The following SERINC2 variants were observed in gnomAD, a reference collection of about 807,000 sequenced individuals.
SERINC2 encodes the protein tumor differentially expressed protein 2.
In SERINC2, 56 loss-of-function variants were observed where a neutral mutation model predicts 54.2. That is an observed-to-expected ratio of 1.03 (90% CI 0.83 to 1.29). SERINC2 has a LOEUF of 1.29. Among genes scored for constraint, SERINC2 ranks in the 50% most tolerant of loss-of-function variants. SERINC2 has a pLI of 0.00. For missense variants in SERINC2, 614 were observed against 607.4 expected (o/e 1.01, Z -0.12); for synonymous variants, 272 against 253.1 (o/e 1.07, Z -0.71).
chr1:31,426,056 C>T (rs1369808259), intron 5 of SERINC2, 143 bp downstream of exon 5: 4 of 869,854 alleles, frequency 4.6e-6, no homozygotes, highest in Non-Finnish European at 6.9e-6. Context: ...TTCCAATTGT[C>T]CCAGGGAGAT....
intron 8 of SERINC2, among the ~76,000 whole-genome samples, chr1:31,431,302 A>AT (rs113450135): frequency 0.8 from 115,270 of 143,628 alleles, 47,185 homozygotes; most frequent in Non-Finnish European, 0.9. Context: ...TTAAAAAAAC[A>AT]TTTTTTTTTT....
chr1:31,412,746 G>A (rs1640672567), upstream of SERINC2, among the ~76,000 whole-genome samples: 1 of 152,242 alleles, frequency 6.6e-6, no homozygotes, highest in African/African-American at 2.4e-5. Context: ...ACCACCCTGT[G>A]AGGTATGTAT....
chr1:31,423,016 G>T, intron 1 of SERINC2, among the ~76,000 whole-genome samples: 1 of 152,232 alleles, frequency 6.6e-6, no homozygotes, highest in East Asian at 1.9e-4. Context: ...CTTAACATGT[G>T]ACTGGTACTA....
At chr1:31,426,382 TGTACCTC>T (rs1641042295) in intron 5 of SERINC2, among the ~76,000 whole-genome samples, 1 of 152,212 alleles carries the variant, frequency 6.6e-6, no homozygotes, top group African/African-American at 2.4e-5. Flanking sequence ...GTCAACAGCC[TGTACCTC>T]GTTCAGTTTT....
At chr1:31,420,679 C>T (rs1228212436) in intron 1 of SERINC2, among the ~76,000 whole-genome samples, 5 of 152,224 alleles carry the variant, frequency 3.3e-5, no homozygotes, top group Admixed American at 6.5e-5. Context: ...ATCCCAGCTC[C>T]TCAGCTTACT....
rs78029434 is a variant in SERINC2 at position 31,423,761 on chromosome 1, C to G, written c.108C>G (p.Thr36=). 12 of 1,613,608 alleles carry G rather than the reference C, an allele frequency of 7.4e-6. No individual in the cohort carries two copies. The highest frequency in any genetic ancestry group is 1.0e-5 in the Non-Finnish European group (12 of 1,179,994). ...CSCCPASRNS[T]VSRLIFTFFL... is the part of the protein sequence containing the mutation. ...GCTGCCCCGCCAGCCGCAACTCCAC[C>G]GTGAGCCGCCTCATCTTCACGTTCT... The change falls in exon 2 of 10, where the codon ACC becomes ACG. Residue 36 remains threonine, a synonymous_variant. Coordinates refer to ENST00000373709, the MANE Select transcript of SERINC2 (RefSeq NM_178865.5).
At chr1:31,411,875 C>A (rs1389145311), upstream of SERINC2, among the ~76,000 whole-genome samples, 1 of 151,812 alleles carries the variant, frequency 6.6e-6, no homozygotes, top group Non-Finnish European at 1.5e-5. Flanking sequence ...GTAGTACACA[C>A]TGGTGGTCAC....
chr1:31,418,836 C>T (rs541008320), intron 1 of SERINC2, among the ~76,000 whole-genome samples: 27 of 152,278 alleles, frequency 1.8e-4, no homozygotes, highest in African/African-American at 6.0e-4. Context: ...TAATGCCAAA[C>T]GACTCATGGC....
At chr1:31,414,016 G>A in intron 1 of SERINC2, 1 of 1,523,554 alleles carries the variant, frequency 6.6e-7, no homozygotes, top group Non-Finnish European at 8.8e-7. Flanking sequence ...AGACTGGGAT[G>A]GGAGCGGAGG....
intron 8 of SERINC2, among the ~76,000 whole-genome samples, chr1:31,429,817 C>T (rs1641147916): frequency 6.6e-6 from 1 of 152,082 alleles, no homozygotes; most frequent in Admixed American, 6.5e-5. Context: ...AGGGAAGGAG[C>T]ATGGACTGGG....
At chr1:31,433,471 A>G (rs1553135190) in intron 9 of SERINC2, among the ~76,000 whole-genome samples, 1 of 152,138 alleles carries the variant, frequency 6.6e-6, no homozygotes, top group African/African-American at 2.4e-5. Flanking sequence ...ATCAGGGGTC[A>G]TGGGGTCAGA....
At chr1:31,431,819 TGGATAGGGTGGATAGGGTGGA>T (rs1641228418) in intron 8 of SERINC2, among the ~76,000 whole-genome samples, 2 of 130,908 alleles carry the variant, frequency 1.5e-5, no homozygotes, top group East Asian at 2.2e-4. Flanking sequence ...GTGGACAGGG[TGGATAGGGTGGATAGGGTGGA>T]TAGGGTGGAT....
At chr1:31,429,720 CAG>C (rs112184283) in intron 8 of SERINC2, among the ~76,000 whole-genome samples, 182 bp downstream of exon 8, 31 of 152,328 alleles carry the variant, frequency 2.0e-4, no homozygotes, top group African/African-American at 7.2e-4. Flanking sequence ...GAGTGGGCAA[CAG>C]AGGCAGGCGT....
chr1:31,417,629 A>G (rs1379325401), intron 1 of SERINC2, among the ~76,000 whole-genome samples: 5 of 152,146 alleles, frequency 3.3e-5, no homozygotes, highest in Non-Finnish European at 7.3e-5. Flanking sequence ...CATCACCACC[A>G]TCCTTCTCCA....
rs1553134531 is a variant in SERINC2, at chr1:31,431,829, G to A, written c.1014-1138G>A. On this transcript the variant is annotated intron_variant, in intron 8 of 9. Transcript: ENST00000373709. ...ACAGGGTGGACAGGGTGGATAGGGT[G>A]GATAGGGTGGATAGGGTGGATAGGG... Among the ~76,000 whole-genome samples, 24 of 143,504 alleles carry A rather than the reference G, an allele frequency of 1.7e-4. 1 individual carries two copies. Among genetic ancestry groups the A allele is most frequent in the South Asian group, 9.2e-4 (4 of 4,366 alleles). 94.1% of individuals were successfully genotyped at this position (143,504 alleles called of 152,430 possible). A position where few individuals can be genotyped will look rare whatever the true frequency, so the allele number is the denominator to read the frequency against.
rs781996879 is a variant in SERINC2 at position 31,424,911 on chromosome 1, C to G, written c.392+38C>G. The stretch of plus-strand genomic sequence containing the variant: ...TCCCTGCCTGCACCCTGGGACCTTC[C>G]CCCAGTGCCTTGCCCGCTCCTCTGC... On this transcript the variant is annotated intron_variant, in intron 3 of 9. Transcript: ENST00000373709. The G allele has an allele frequency of 2.6e-6, 4 of 1,554,270 alleles. No homozygotes were observed. The African/African-American group carries it at 4.1e-5, about 16-fold the overall frequency.
chr1:31,428,901 T>C, intron 6 of SERINC2, 77 bp from the exon 7 acceptor site: 4 of 1,111,496 alleles, frequency 3.6e-6, no homozygotes, highest in Non-Finnish European at 5.2e-6. Context: ...CTGAGGTCCC[T>C]TGGCTGGTGT....
chr1:31,432,111 T>TGGAGAGGGTGGAG (rs1557501327), intron 8 of SERINC2, among the ~76,000 whole-genome samples: 3 of 10,638 alleles, frequency 2.8e-4, no homozygotes, highest in Non-Finnish European at 6.3e-4. Flanking sequence ...ACAGGGTGGA[T>TGGAGAGGGTGGAG]AGGGTGGTTA....
Position 31,413,294 on chromosome 1 carries a change from T to G in SERINC2, c.29T>G (p.Leu10Arg). ...GGGGCCTGCCTGGGAGCCTGCTCCC[T>G]GCTCAGCTGCGTGAGTCCCGACCCC... The part of the protein sequence containing the change: MGACLGACS[L>R]LSCASCLCGS... Residue 10 changes from leucine to arginine, a missense_variant, in exon 1 of 10, where the codon CTG becomes CGG. Leu to Arg is a moderately radical substitution (Grantham distance 102, BLOSUM62 -2). Transcript: ENST00000373709. The surrounding 1 kb of genome is among the most constrained non-coding windows in gnomAD (Gnocchi z 5.0). 1 of 1,271,398 alleles carries G rather than the reference T, an allele frequency of 7.9e-7. No individual in the cohort carries two copies. Among genetic ancestry groups the G allele is most frequent in the Non-Finnish European group, 9.9e-7 (1 of 1,010,586 alleles). 78.8% of individuals were successfully genotyped at this position (1,271,398 alleles called of 1,614,324 possible). A position where few individuals can be genotyped will look rare whatever the true frequency, so the allele number is the denominator to read the frequency against.
Sources: allele counts gnomAD v4.1 joint callset (sites outside exome capture counted in the v4.1 genomes callset), GRCh38; gene constraint gnomAD v4.1.1; non-coding constraint Gnocchi (gnomAD v3.1); transcripts MANE v1.5; gene names NCBI Gene and HGNC (gene_info 2026-07-23, HGNC 2026-07-21).